Variants in MEI1 observed in about 807,000 individuals in gnomAD.
MEI1 encodes meiotic double-stranded break formation protein 1.
In MEI1, 103 loss-of-function variants were observed where a neutral mutation model predicts 146.2. The observed-to-expected ratio is 0.70, with a 90% CI of 0.60 to 0.83. The LOEUF (loss-of-function observed/expected upper bound fraction) is 0.83. Ranked by LOEUF, MEI1 falls within the 40% of genes least tolerant of loss-of-function variation. The pLI, the probability that MEI1 is intolerant of heterozygous loss-of-function variation, is 0.00. For synonymous variants in MEI1, 652 were observed against 628.2 expected, an observed-to-expected ratio of 1.04 and a Z score of -0.57; for missense variants, 1,529 against 1,533.0, an observed-to-expected ratio of 1.00 and a Z score of 0.04.
chr22:41,781,484 G>A, intron 23 of MEI1, 90 bp downstream of exon 23: 13 of 1,233,616 alleles, frequency 1.1e-5, no homozygotes, highest in Non-Finnish European at 1.4e-5. Flanking sequence ...AAACAAATAG[G>A]GTTGTGTGTG....
chr22:41,729,839 T>C, intron 8 of MEI1, 60 bp downstream of exon 8: 1 of 1,113,672 alleles, frequency 9.0e-7, no homozygotes, highest in Non-Finnish European at 1.3e-6. Flanking sequence ...GGTGACAGGT[T>C]CAATTGTGTA....
chr22:41,751,987 T>C (rs568943296), intron 15 of MEI1, among the ~76,000 whole-genome samples: 2 of 152,018 alleles, frequency 1.3e-5, no homozygotes, highest in Non-Finnish European at 2.9e-5. Flanking sequence ...GGAGAATCAC[T>C]TGAACCCGGG....
rs562400707 is a variant in MEI1 at position 41,732,445 on chromosome 22, C to G, written c.1197-24C>G. Reference sequence around the variant, plus strand: ...GGTCAGTGAGAAGAGTTCACCTACTCGTTTCTCATCTTCCATTTCTCAGGC... The same window carrying G: ...GGTCAGTGAGAAGAGTTCACCTACTGGTTTCTCATCTTCCATTTCTCAGGC... On this transcript the variant is annotated intron_variant, in intron 10 of 30. Coordinates refer to ENST00000401548, the MANE Select transcript of MEI1 (RefSeq NM_152513.4). 3 of 1,613,554 alleles carry G rather than the reference C, an allele frequency of 1.9e-6. No homozygotes were observed. The East Asian group carries it at 6.7e-5, about 36-fold the overall frequency.
At chr22:41,710,330 G>T (rs2069438941) in intron 3 of MEI1, among the ~76,000 whole-genome samples, 1 of 152,134 alleles carries the variant, frequency 6.6e-6, no homozygotes, top group Non-Finnish European at 1.5e-5. Context: ...CCAGTCTGTG[G>T]TATTTTATTA....
chr22:41,794,593 T>C (rs1236908334), intron 28 of MEI1, 116 bp downstream of exon 28: 7 of 796,068 alleles, frequency 8.8e-6, no homozygotes, highest in Non-Finnish European at 1.5e-5. Context: ...GTGGAAGGGC[T>C]CGGCAGGCCT....
In MEI1 at chr22:41,768,849, C is replaced by T. The variant is rs376527526; in HGVS notation, c.2269-1837C>T. Among the ~76,000 whole-genome samples, 3 of 152,172 alleles carry T rather than the reference C, an allele frequency of 2.0e-5. No individual in the cohort carries two copies. In the East Asian group the frequency reaches 5.8e-4, roughly 29 times the overall value. On this transcript the variant is annotated intron_variant, in intron 19 of 30. Transcript: ENST00000401548. Reference sequence around the variant, plus strand: ...TTATAATTTGGACATGAGATTTGGGCGGGGACACAAATCCAAATCATATCA... The same window carrying T: ...TTATAATTTGGACATGAGATTTGGGTGGGGACACAAATCCAAATCATATCA...
chr22:41,749,279 CT>C (rs60767990), intron 15 of MEI1, among the ~76,000 whole-genome samples: 120,079 of 145,106 alleles, frequency 0.83, 50,360 homozygotes, highest in African/African-American at 0.95. Context: ...GGATTTTTTT[CT>C]TTTTTTTTTT....
intron 11 of MEI1, among the ~76,000 whole-genome samples, chr22:41,733,075 C>T (rs536623358): frequency 6.6e-6 from 1 of 151,972 alleles, no homozygotes; most frequent in Non-Finnish European, 1.5e-5. Context: ...GCCACCGCAT[C>T]CAGCTGAAAA....
At chr22:41,720,541 C>T (rs924384163) in intron 6 of MEI1, among the ~76,000 whole-genome samples, 3 of 151,870 alleles carry the variant, frequency 2.0e-5, no homozygotes, top group African/African-American at 7.3e-5. Flanking sequence ...AATGATCTTC[C>T]CACCTCAGCC....
intron 18 of MEI1, among the ~76,000 whole-genome samples, chr22:41,762,884 C>G (rs894923694): frequency 6.6e-6 from 1 of 152,180 alleles, no homozygotes; most frequent in Non-Finnish European, 1.5e-5. Context: ...AGCAGTAGCA[C>G]CCTTCTCTTT....
At chr22:41,788,281 G>A (rs968253522) in intron 26 of MEI1, among the ~76,000 whole-genome samples, 83 of 152,046 alleles carry the variant, frequency 5.5e-4, no homozygotes, top group African/African-American at 1.9e-3. Flanking sequence ...CACCTGCCTC[G>A]GCATCCCAAA....
At position 41,794,495 on chromosome 22, in the gene MEI1, ATCTTGTGGTCTGAGGAGTG is replaced by A; in HGVS notation, c.3534+21_3534+39del. ...TGACCCTGGTAAGTGCAGAAAGGATATCTTGTGGTCTGAGGAGTGTCATGAGCTGGGTGGTGCTGAAGAG... is the reference window on the plus strand; with the variant it reads ...TGACCCTGGTAAGTGCAGAAAGGATATCATGAGCTGGGTGGTGCTGAAGAG... On this transcript the variant is annotated intron_variant, in intron 28 of 30. Coordinates refer to ENST00000401548, the MANE Select transcript of MEI1 (RefSeq NM_152513.4). 6.2e-7 allele frequency: 1 copy of A among 1,602,932 alleles called. No homozygotes were observed. The highest frequency in any genetic ancestry group is 8.5e-7 in the Non-Finnish European group (1 of 1,169,908).
chr22:41,778,857 C>T (rs981142267), intron 22 of MEI1, 45 bp downstream of exon 22: 4 of 1,396,506 alleles, frequency 2.9e-6, no homozygotes, highest in South Asian at 1.2e-5. Context: ...CAGGGCTGGA[C>T]GTGCAGTGGG....
At position 41,776,219 on chromosome 22, in the gene MEI1, C is replaced by T. The variant is rs747641469; in HGVS notation, c.2662C>T (p.Leu888=). 2 of 1,613,968 alleles carry T rather than the reference C, an allele frequency of 1.2e-6. No individual in the cohort carries two copies. The highest frequency in any genetic ancestry group is 2.2e-5 in the South Asian group (2 of 91,084). ...VGGLIRGHFL[L]ILQRLLVEHG... ...CGGTCTTATCCGAGGCCACTTCCTG[C>T]TGATCCTGCAGCGTCTGCTAGTGGA... The change falls in exon 21 of 31, where the codon CTG becomes TTG. Residue 888 remains leucine, a synonymous_variant. Transcript: ENST00000401548.
intron 12 of MEI1, among the ~76,000 whole-genome samples, chr22:41,744,024 G>A (rs1052553703): frequency 6.7e-6 from 1 of 149,304 alleles, no homozygotes; most frequent in Non-Finnish European, 1.5e-5. Flanking sequence ...TTACAGGCAT[G>A]CACCACCACA....
intron 19 of MEI1, among the ~76,000 whole-genome samples, chr22:41,766,850 A>G (rs1243284703): frequency 1.3e-5 from 2 of 152,192 alleles, no homozygotes; most frequent in Admixed American, 1.3e-4. Flanking sequence ...ATTTTTGAGA[A>G]TTACTCGTGT....
rs373012181 is a variant in MEI1 at position 41,776,224 on chromosome 22, C to G, written c.2667C>G (p.Ile889Met). The change falls in exon 21 of 31, where the codon ATC becomes ATG. Residue 889 changes from isoleucine to methionine, a missense_variant. Around this residue, in one of 3 missense-constraint regions of MEI1, gnomAD observed 1,212 missense variants for 1,178.9 expected, o/e 1.03. Transcript: ENST00000401548. ...GGLIRGHFLL[I>M]LQRLLVEHGA... is the part of the protein sequence containing the mutation. ...TTATCCGAGGCCACTTCCTGCTGAT[C>G]CTGCAGCGTCTGCTAGTGGAGCATG... 1 of 1,613,976 alleles carries G rather than the reference C, an allele frequency of 6.2e-7. No homozygotes were observed.
chr22:41,752,765 C>T (rs1284429139), intron 16 of MEI1, 114 bp downstream of exon 16: 2 of 912,968 alleles, frequency 2.2e-6, no homozygotes, highest in East Asian at 2.6e-5. Context: ...GTGGTGTTGA[C>T]ATAGTGTCAG....
chr22:41,718,383 G>T, intron 6 of MEI1, 109 bp downstream of exon 6: 1 of 999,166 alleles, frequency 1.0e-6, no homozygotes, highest in Non-Finnish European at 1.5e-6. Flanking sequence ...TTTTGCAAAA[G>T]GTAGAAGCCA....
Sources: allele counts gnomAD v4.1 joint callset (sites outside exome capture counted in the v4.1 genomes callset), GRCh38; gene constraint gnomAD v4.1.1; regional missense constraint gnomAD v4.1.1; transcripts MANE v1.5; gene names NCBI Gene and HGNC (gene_info 2026-07-23, HGNC 2026-07-21).